The following TESK2 variants were observed in gnomAD, a reference collection of about 807,000 sequenced individuals.
TESK2 encodes the protein testis associated actin remodelling kinase 2, also known as dual specificity testis-specific protein kinase 2.
Under a neutral mutation model 57.1 loss-of-function variants are expected in TESK2, and 39 were observed. The ratio of observed to expected loss-of-function variants is 0.68; its 90% CI spans 0.53 to 0.89. TESK2 has a LOEUF of 0.89. Ranked by LOEUF, TESK2 falls within the 40% of genes least tolerant of loss-of-function variation. TESK2 has a pLI of 0.00. For missense variants in TESK2, 646 were observed against 732.1 expected (o/e 0.88, Z 1.36); for synonymous variants, 249 against 267.9 (o/e 0.93, Z 0.69).
At chr1:45,485,738 C>G (rs1653450154) in intron 1 of TESK2, among the ~76,000 whole-genome samples, 1 of 149,602 alleles carries the variant, frequency 6.7e-6, no homozygotes, top group Non-Finnish European at 1.5e-5. Context: ...CCAGGCTGGT[C>G]TCGAACTCCT....
At position 45,344,859 on chromosome 1, in the gene TESK2, TGG is replaced by T. The variant is rs1231414911; in HGVS notation, c.1695_1696del (p.Gln566GlyfsTer32). 6.2e-7 allele frequency: 1 copy of T among 1,612,816 alleles called. No homozygotes were observed. The highest frequency in any genetic ancestry group is 2.2e-5 in the East Asian group (1 of 44,890). ...ACCCCCTCACCCATCCTGCTTTCCC[TGG>T]GTTTGCAGGCCTATGCCTGAGGTGG... On this transcript the variant is annotated frameshift_variant, in exon 11 of 11. Coordinates refer to ENST00000372086, the MANE Select transcript of TESK2 (RefSeq NM_007170.3). LOFTEE classifies it high-confidence loss of function.
In TESK2 at chr1:45,400,288, A is replaced by C. The variant is rs533324420; in HGVS notation, c.345-14328T>G. Among the ~76,000 whole-genome samples the C allele has an allele frequency of 3.9e-5, 6 of 152,296 alleles. No individual in the cohort carries two copies. The East Asian group carries it at 1.2e-3, about 29-fold the overall frequency. On this transcript the variant is annotated intron_variant, in intron 3 of 10. Transcript: ENST00000372086. ...CCGAGGAATGCAAACAGCCACTGGC[A>C]GCTGAAAAAAGTAAGGAAATGGATT...
At chr1:45,466,148 T>C (rs1557584517) in intron 1 of TESK2, among the ~76,000 whole-genome samples, 1 of 151,994 alleles carries the variant, frequency 6.6e-6, no homozygotes, top group African/African-American at 2.4e-5. Context: ...TCGAGGCCAG[T>C]CTGAGCAACA....
At chr1:45,421,584 C>T in intron 3 of TESK2, 141 bp downstream of exon 3, 1 of 1,189,466 alleles carries the variant, frequency 8.4e-7, no homozygotes, top group Non-Finnish European at 1.2e-6. Context: ...TAGAAAACGA[C>T]CTAGAGTACC....
chr1:45,374,231 T>C (rs1214827416), intron 4 of TESK2, among the ~76,000 whole-genome samples: 1 of 152,240 alleles, frequency 6.6e-6, no homozygotes. Flanking sequence ...TTGGGAGCAG[T>C]ACTTATTTAT....
At chr1:45,440,572 T>G (rs540079322) in intron 2 of TESK2, among the ~76,000 whole-genome samples, 2 of 151,872 alleles carry the variant, frequency 1.3e-5, no homozygotes, top group Admixed American at 6.6e-5. Context: ...AAAAATTAGC[T>G]GGGCATGGTG....
At chr1:45,427,566 T>C (rs1650750640) in intron 2 of TESK2, among the ~76,000 whole-genome samples, 1 of 152,056 alleles carries the variant, frequency 6.6e-6, no homozygotes, top group Non-Finnish European at 1.5e-5. Flanking sequence ...CACAATGGAG[T>C]ACTATTCAGC....
chr1:45,480,318 C>A (rs891882313), intron 1 of TESK2, among the ~76,000 whole-genome samples: 1 of 151,562 alleles, frequency 6.6e-6, no homozygotes, highest in East Asian at 2.0e-4. Flanking sequence ...ATTAGCTGGG[C>A]GTGGTGGCAC....
At chr1:45,417,547 C>T (rs1459776466) in intron 3 of TESK2, among the ~76,000 whole-genome samples, 1 of 151,932 alleles carries the variant, frequency 6.6e-6, no homozygotes, top group Non-Finnish European at 1.5e-5. Flanking sequence ...TGCTTGTGCA[C>T]ATCCAAAAAA....
chr1:45,435,060 C>G (rs1362035523), intron 2 of TESK2, among the ~76,000 whole-genome samples: 1 of 151,312 alleles, frequency 6.6e-6, no homozygotes, highest in Non-Finnish European at 1.5e-5. Context: ...AACTCCTAGG[C>G]TCAAGAAATC....
chr1:45,426,864 T>G (rs1373599522), intron 2 of TESK2, among the ~76,000 whole-genome samples: 1 of 152,248 alleles, frequency 6.6e-6, no homozygotes. Flanking sequence ...ACATCACTGA[T>G]CATCACAGAA....
At chr1:45,427,105 T>A (rs1650726925) in intron 2 of TESK2, among the ~76,000 whole-genome samples, 1 of 151,910 alleles carries the variant, frequency 6.6e-6, no homozygotes, top group Non-Finnish European at 1.5e-5. Flanking sequence ...TAGCTGGGCA[T>A]GGTAGTGCAC....
chr1:45,396,969 C>CAA (rs1649396646), intron 3 of TESK2, among the ~76,000 whole-genome samples: 2 of 151,742 alleles, frequency 1.3e-5, no homozygotes, highest in Non-Finnish European at 2.9e-5. Flanking sequence ...CAAGCGTGCA[C>CAA]CACCATGCCT....
At chr1:45,483,667 G>GT (rs1229969837) in intron 1 of TESK2, among the ~76,000 whole-genome samples, 1 of 151,996 alleles carries the variant, frequency 6.6e-6, no homozygotes. Flanking sequence ...CAGTAGTTAA[G>GT]TTTTGCCGCG....
chr1:45,424,931 T>C (rs1194253797), intron 2 of TESK2, among the ~76,000 whole-genome samples: 1 of 152,142 alleles, frequency 6.6e-6, no homozygotes, highest in Non-Finnish European at 1.5e-5. Context: ...AAGCCATATA[T>C]GACAGACCCA....
At position 45,422,759 on chromosome 1, in the gene TESK2, T is replaced by TTGTTGTTGTTGTTGTTG. The variant is rs1570714206; in HGVS notation, c.223-914_223-913insCAACAACAACAACAACA. 2.4e-3 allele frequency among the ~76,000 whole-genome samples: 349 copies of TTGTTGTTGTTGTTGTTG among 147,000 alleles called. 1 individual carries two copies. The highest frequency in any genetic ancestry group is 0.014 in the East Asian group (65 of 4,770). ...ATGCCCAGCCAATCATGTCTGGTTT[T>TTGTTGTTGTTGTTGTTG]TTGTTGTTGTTGTTGTTGTTTTTGT... On this transcript the variant is annotated intron_variant, in intron 2 of 10. Coordinates refer to ENST00000372086, the MANE Select transcript of TESK2 (RefSeq NM_007170.3).
Position 45,390,376 on chromosome 1 carries a change from A to C in TESK2, c.345-4416T>G, listed in dbSNP as rs141046220. Among the ~76,000 whole-genome samples the C allele has an allele frequency of 3.5e-4, 54 of 152,210 alleles. 1 individual carries two copies. The East Asian group carries it at 0.01, about 29-fold the overall frequency. On this transcript the variant is annotated intron_variant, in intron 3 of 10. Transcript: ENST00000372086. ...CTACTCAGTAGGCTGAGGCAGGAGG[A>C]TCACTTTAGCCAGGGAGGCAGAAGT...
chr1:45,457,974 T>C (rs1176910889), intron 1 of TESK2, 103 bp from the exon 2 acceptor site: 1 of 561,602 alleles, frequency 1.8e-6, no homozygotes, highest in Non-Finnish European at 3.2e-6. Flanking sequence ...TTCTAGTTCC[T>C]GGTTTTCAGA....
At chr1:45,402,733 C>G (rs769718360) in intron 3 of TESK2, among the ~76,000 whole-genome samples, 3 of 151,806 alleles carry the variant, frequency 2.0e-5, no homozygotes, top group East Asian at 1.9e-4. Flanking sequence ...CCGCCCACCT[C>G]GGCCTCCCAA....
Sources: allele counts gnomAD v4.1 joint callset (sites outside exome capture counted in the v4.1 genomes callset), GRCh38; gene constraint gnomAD v4.1.1; transcripts MANE v1.5; gene names NCBI Gene and HGNC (gene_info 2026-07-23, HGNC 2026-07-21).